PCDHGA8: variants seen among roughly 807,000 people sequenced by gnomAD.
The protein encoded by PCDHGA8 is protocadherin gamma-A8.
PCDHGA8 carries 45 observed loss-of-function variants against 59.2 expected under a neutral mutation model. The observed-to-expected ratio is 0.76, with a 90% CI of 0.60 to 0.98. The LOEUF is 0.98. Ranked by LOEUF, PCDHGA8 falls within the 50% of genes least tolerant of loss-of-function variation. The probability of loss-of-function intolerance (pLI) is 0.00; values close to 1 mark genes in which losing one functional copy is unlikely to be tolerated. For missense variants in PCDHGA8, 1,257 were observed against 1,196.2 expected, an observed-to-expected ratio of 1.05 and a Z score of -0.75; for synonymous variants, 531 against 519.0, an observed-to-expected ratio of 1.02 and a Z score of -0.32.
chr5:141,468,868 AAATAAT>A (rs993655754), intron 1 of PCDHGA8, among the ~76,000 whole-genome samples: 1 of 151,794 alleles, frequency 6.6e-6, no homozygotes, highest in Non-Finnish European at 1.5e-5. Context: ...TCCATCTCAA[AAATAAT>A]AATAATAATA....
At chr5:141,422,127 A>G (rs779974245) in intron 1 of PCDHGA8, 1 of 1,600,944 alleles carries the variant, frequency 6.2e-7, no homozygotes. Context: ...CACAAACTGG[A>G]GAAGTTCAAG....
chr5:141,399,639 C>A lies in PCDHGA8; in HGVS notation c.2424+4402C>A, dbSNP rs1405309490. On this transcript the variant is annotated intron_variant, in intron 1 of 3. Transcript: ENST00000398604. ...CACTGGCCTCTTACGTGTCCATGAG[C>A]GCGCAAAGTGGGGTGGTGTTCGCGC... 5 of 1,613,858 alleles carry A rather than the reference C, an allele frequency of 3.1e-6. No individual in the cohort carries two copies. The highest frequency in any genetic ancestry group is 3.4e-6 in the Non-Finnish European group (4 of 1,179,886).
At chr5:141,427,570 C>A in intron 1 of PCDHGA8, 1 of 662,270 alleles carries the variant, frequency 1.5e-6, no homozygotes, top group Non-Finnish European at 2.8e-6. Flanking sequence ...GGCAAGCCTC[C>A]GCTCTCATCC....
At chr5:141,455,860 A>ATTATTTAT (rs145569377) in intron 1 of PCDHGA8, among the ~76,000 whole-genome samples, 155 of 139,844 alleles carry the variant, frequency 1.1e-3, no homozygotes, top group Non-Finnish European at 1.5e-3. Flanking sequence ...AATTTCTTTT[A>ATTATTTAT]TTATTTATTT....
chr5:141,400,734 G>A, intron 1 of PCDHGA8: 1 of 634,548 alleles, frequency 1.6e-6, no homozygotes, highest in Non-Finnish European at 2.7e-6. Flanking sequence ...AAAGTAGTGA[G>A]AGTTTGCTCT....
In PCDHGA8 at chr5:141,423,110, G is replaced by A. The variant is rs62621243; in HGVS notation, c.2424+27873G>A. On this transcript the variant is annotated intron_variant, in intron 1 of 3. Coordinates refer to ENST00000398604, the MANE Select transcript of PCDHGA8 (RefSeq NM_032088.2). ...GTGGGGGAGCACACGGGCGAGGTGC[G>A]TACAGCGCGGGCACTGCTGGACAGA... The A allele has an allele frequency of 0.016, 25,324 of 1,613,842 alleles. 257 individuals carry two copies. Among genetic ancestry groups the A allele is most frequent in the Non-Finnish European group, 0.019 (22,060 of 1,179,980 alleles).
At chr5:141,418,328 G>C in intron 1 of PCDHGA8, 1 of 1,614,002 alleles carries the variant, frequency 6.2e-7, no homozygotes. Flanking sequence ...TCTTGAGTCT[G>C]CAGAAGATCC....
intron 1 of PCDHGA8, chr5:141,479,468 T>C (rs1473966646): frequency 1.3e-5 from 2 of 152,248 alleles, no homozygotes; most frequent in African/African-American, 4.8e-5. Context: ...TACAGTGACC[T>C]CTTGGGAGGG....
At chr5:141,404,296 T>C in intron 1 of PCDHGA8, 1 of 1,613,946 alleles carries the variant, frequency 6.2e-7, no homozygotes, top group Non-Finnish European at 8.5e-7. Flanking sequence ...TCAATGATAA[T>C]CCACCTGCTT....
At position 141,431,914 on chromosome 5, in the gene PCDHGA8, C is replaced by A. The variant is rs745837291; in HGVS notation, c.2424+36677C>A. 6.2e-7 allele frequency: 1 copy of A among 1,613,912 alleles called. No individual in the cohort carries two copies. Among genetic ancestry groups the A allele is most frequent in the African/African-American group, 1.3e-5 (1 of 75,070 alleles). On this transcript the variant is annotated intron_variant, in intron 1 of 3. Transcript: ENST00000398604. The surrounding 1 kb of genome is among the most constrained non-coding windows in gnomAD (Gnocchi z 4.8). ...AGGAAAACGGACAGGTGATCTGTTT[C>A]ATCCAAGGAAATCTGCCCTTTAAAT...
chr5:141,400,571 C>T (rs781701893), intron 1 of PCDHGA8: 1 of 1,612,704 alleles, frequency 6.2e-7, no homozygotes, highest in South Asian at 1.1e-5. Context: ...ACCCAATTTT[C>T]TGTATTTACA....
At chr5:141,504,203 A>G (rs2099836487) in intron 2 of PCDHGA8, among the ~76,000 whole-genome samples, 1 of 152,248 alleles carries the variant, frequency 6.6e-6, no homozygotes, top group Non-Finnish European at 1.5e-5. Context: ...TCACTGTGGG[A>G]AAATTCCAAG....
In PCDHGA8 at chr5:141,493,930, A is replaced by G. The variant is rs547125826; in HGVS notation, c.2425-877A>G. Among the ~76,000 whole-genome samples the G allele has an allele frequency of 6.6e-6, 1 of 152,268 alleles. No homozygotes were observed. The highest frequency in any genetic ancestry group is 6.5e-5 in the Admixed American group (1 of 15,300). ...TGTGATGGGATAACACACCCCCTGG[A>G]AAGACCAGAAGGGACTCAGGAATGA... On this transcript the variant is annotated intron_variant, in intron 1 of 3. Transcript: ENST00000398604. This position sits in a 1 kb window ranked among gnomAD's most constrained non-coding sequence, Gnocchi z 4.3.
chr5:141,423,895 G>T, intron 1 of PCDHGA8: 1 of 1,277,758 alleles, frequency 7.8e-7, no homozygotes, highest in Non-Finnish European at 9.9e-7. Flanking sequence ...ATTTTCTTTT[G>T]ATTTCAAAGG....
chr5:141,403,053 C>T (rs754618954), intron 1 of PCDHGA8: 2 of 1,614,076 alleles, frequency 1.2e-6, no homozygotes, highest in Non-Finnish European at 1.7e-6. Context: ...ATTCGCTACT[C>T]AGTGCCTGAA....
At chr5:141,404,107 T>C in intron 1 of PCDHGA8, 1 of 1,613,552 alleles carries the variant, frequency 6.2e-7, no homozygotes, top group Non-Finnish European at 8.5e-7. Flanking sequence ...TTGTCTGTTC[T>C]ATCCAGGAGA....
intron 1 of PCDHGA8, chr5:141,430,977 A>G (rs761722055): frequency 1.2e-5 from 20 of 1,613,408 alleles, no homozygotes; most frequent in Middle Eastern, 1.7e-4. Flanking sequence ...GGTAGGACGC[A>G]GCTTTTCGCC....
chr5:141,476,951 A>C lies in PCDHGA8; in HGVS notation c.2425-17856A>C. On this transcript the variant is annotated intron_variant, in intron 1 of 3. Coordinates refer to ENST00000398604, the MANE Select transcript of PCDHGA8 (RefSeq NM_032088.2). The surrounding 1 kb of genome is among the most constrained non-coding windows in gnomAD (Gnocchi z 7.6). ...TCTGGATGAAGGCCCCAACGGTGAA[A>C]TTATTTACTCCTTCGGCAGCCACAA... 6.2e-7 allele frequency: 1 copy of C among 1,614,184 alleles called. No individual in the cohort carries two copies. Among genetic ancestry groups the C allele is most frequent in the South Asian group, 1.1e-5 (1 of 91,088 alleles).
At chr5:141,441,827 A>G (rs1344314632) in intron 1 of PCDHGA8, 1 of 355,628 alleles carries the variant, frequency 2.8e-6, no homozygotes, top group Non-Finnish European at 5.6e-6. Flanking sequence ...CTGGAGCGCA[A>G]TGGCTTCGCG....
Sources: gnomAD v4.1 joint callset for allele counts (sites outside exome capture counted in the v4.1 genomes callset) on GRCh38, gnomAD v4.1.1 for gene constraint, Gnocchi (gnomAD v3.1) non-coding constraint, MANE v1.5 for transcripts, NCBI Gene and HGNC (gene_info 2026-07-23, HGNC 2026-07-21) for gene names.